The following RETREG1 variants were observed in gnomAD, a reference collection of about 807,000 sequenced individuals.
The protein encoded by RETREG1 is family with sequence similarity 134 member B.
RETREG1 carries 44 observed loss-of-function variants against 54.8 expected under a neutral mutation model. That is an observed-to-expected ratio of 0.80 (90% CI 0.63 to 1.03). The LOEUF (loss-of-function observed/expected upper bound fraction) is 1.03. Among genes scored for constraint, RETREG1 ranks in the 50% least tolerant of loss-of-function variants. RETREG1 has a pLI of 0.00. For synonymous variants in RETREG1, 217 were observed against 238.5 expected (o/e 0.91, Z 0.83); for missense variants, 554 against 605.1 (o/e 0.92, Z 0.89).
intron 1 of RETREG1, among the ~76,000 whole-genome samples, chr5:16,578,077 C>T (rs116054624): frequency 0.021 from 3,252 of 152,266 alleles, 60 homozygotes; most frequent in Non-Finnish European, 0.032. Flanking sequence ...TCAGTCACTG[C>T]AGAGTTATCC....
chr5:16,537,518 C>G (rs531818391), intron 3 of RETREG1, among the ~76,000 whole-genome samples: 1 of 152,124 alleles, frequency 6.6e-6, no homozygotes, highest in African/African-American at 2.4e-5. Flanking sequence ...GCCAACATGG[C>G]GAAACCTTGT....
intron 3 of RETREG1, among the ~76,000 whole-genome samples, chr5:16,512,057 C>T (rs971309622): frequency 6.6e-6 from 1 of 152,198 alleles, no homozygotes; most frequent in African/African-American, 2.4e-5. Flanking sequence ...AGTGTCCCCC[C>T]ACTGAAGGCC....
At chr5:16,499,892 C>G (rs557746683) in intron 3 of RETREG1, among the ~76,000 whole-genome samples, 1 of 152,250 alleles carries the variant, frequency 6.6e-6, no homozygotes, top group African/African-American at 2.4e-5. Context: ...AGCAAAGAAT[C>G]TGCAGTCTGG....
At chr5:16,540,149 A>T (rs929897044) in intron 3 of RETREG1, among the ~76,000 whole-genome samples, 1 of 152,222 alleles carries the variant, frequency 6.6e-6, no homozygotes, top group Non-Finnish European at 1.5e-5. Flanking sequence ...CTAGGAATCC[A>T]AAGTGAATTT....
chr5:16,478,423 A>G (rs1341183520), intron 6 of RETREG1, among the ~76,000 whole-genome samples: 1 of 152,100 alleles, frequency 6.6e-6, no homozygotes, highest in African/African-American at 2.4e-5. Context: ...GGGCCTAGCA[A>G]TCTGTCCTTT....
intron 3 of RETREG1, among the ~76,000 whole-genome samples, chr5:16,523,947 C>T (rs1740618312): frequency 6.6e-6 from 1 of 152,090 alleles, no homozygotes; most frequent in Non-Finnish European, 1.5e-5. Context: ...TCCTCCAACC[C>T]CAGGCGATTT....
At chr5:16,587,434 C>T (rs984262496) in intron 1 of RETREG1, among the ~76,000 whole-genome samples, 17 of 152,198 alleles carry the variant, frequency 1.1e-4, no homozygotes, top group Non-Finnish European at 4.4e-5. Flanking sequence ...GAGTCCACCG[C>T]TCCATTTAAA....
intron 1 of RETREG1, among the ~76,000 whole-genome samples, chr5:16,598,424 CAGTG>C: frequency 6.6e-6 from 1 of 152,320 alleles, no homozygotes; most frequent in South Asian, 2.1e-4. Context: ...ACCATGTTCT[CAGTG>C]AGTATTTGCT....
intron 3 of RETREG1, among the ~76,000 whole-genome samples, chr5:16,488,256 GCAA>G (rs1432462542): frequency 6.6e-6 from 1 of 152,184 alleles, no homozygotes; most frequent in African/African-American, 2.4e-5. Context: ...GAAAATCTAT[GCAA>G]CAACGATTTT....
At chr5:16,601,982 T>G (rs1743067911) in intron 1 of RETREG1, among the ~76,000 whole-genome samples, 10 of 152,128 alleles carry the variant, frequency 6.6e-5, no homozygotes, top group Admixed American at 6.5e-4. Flanking sequence ...TAAGGGCAAT[T>G]CTTCCCAACC....
chr5:16,590,886 C>T (rs940888162), intron 1 of RETREG1, among the ~76,000 whole-genome samples: 5 of 146,712 alleles, frequency 3.4e-5, no homozygotes, highest in Admixed American at 2.8e-4. Context: ...TACACACACA[C>T]GCACACACAC....
chr5:16,612,748 T>C (rs1743385001), intron 1 of RETREG1, among the ~76,000 whole-genome samples: 1 of 152,210 alleles, frequency 6.6e-6, no homozygotes, highest in Non-Finnish European at 1.5e-5. Context: ...TTAGCATTTT[T>C]TCATATTTCA....
chr5:16,534,360 A>G (rs1369253279), intron 3 of RETREG1, among the ~76,000 whole-genome samples: 1 of 152,186 alleles, frequency 6.6e-6, no homozygotes. Context: ...TGTATTGTCA[A>G]CATGTGCTCT....
At chr5:16,579,362 A>G (rs558421812) in intron 1 of RETREG1, among the ~76,000 whole-genome samples, 4 of 152,344 alleles carry the variant, frequency 2.6e-5, no homozygotes, top group Admixed American at 6.5e-5. Flanking sequence ...GCCTGGCTCT[A>G]AGCCAGCTCT....
chr5:16,613,708 T>C (rs1743413878), intron 1 of RETREG1, among the ~76,000 whole-genome samples: 1 of 152,216 alleles, frequency 6.6e-6, no homozygotes, highest in African/African-American at 2.4e-5. Context: ...AACATCCCAT[T>C]GCTTAAGACA....
intron 4 of RETREG1, 84 bp downstream of exon 4, chr5:16,483,262 C>T (rs1175494665): frequency 6.8e-7 from 1 of 1,479,854 alleles, no homozygotes; most frequent in Non-Finnish European, 9.4e-7. Context: ...TTGGAGAAAT[C>T]TGACAAGCTG....
rs751914179 is a variant in RETREG1 at position 16,475,227 on chromosome 5, G to A, written c.1008C>T (p.Asp336=). 2.0e-5 allele frequency: 32 copies of A among 1,611,726 alleles called. No individual in the cohort carries two copies. The highest frequency in any genetic ancestry group is 2.6e-5 in the Non-Finnish European group (31 of 1,179,746). The change falls in exon 9 of 9, where the codon GAC becomes GAT. Residue 336 remains aspartate (D), a synonymous_variant. Coordinates refer to ENST00000306320, the MANE Select transcript of RETREG1 (RefSeq NM_001034850.3). ...TAGAGAAAACTTCCTCACTGGGTCG[G>A]TCAAGATCTGTGAAATGGATAACAG... ...TPQTDTSDDL[D]RPSEEVFSRD...
intron 1 of RETREG1, among the ~76,000 whole-genome samples, chr5:16,577,277 A>C (rs1471747109): frequency 1.4e-5 from 2 of 146,686 alleles, no homozygotes; most frequent in Non-Finnish European, 3.0e-5. Context: ...AGGCTTGATA[A>C]GACTTAGGTT....
At chr5:16,599,797 G>A (rs545879288) in intron 1 of RETREG1, among the ~76,000 whole-genome samples, 2 of 152,276 alleles carry the variant, frequency 1.3e-5, no homozygotes, top group African/African-American at 4.8e-5. Context: ...ACAAAGATAT[G>A]CATGCATGAG....
Sources: gnomAD v4.1 joint callset for allele counts (sites outside exome capture counted in the v4.1 genomes callset) on GRCh38, gnomAD v4.1.1 for gene constraint, MANE v1.5 for transcripts, NCBI Gene and HGNC (gene_info 2026-07-23, HGNC 2026-07-21) for gene names.